NBAS: variants seen among roughly 807,000 people sequenced by gnomAD.
NBAS encodes the protein NBAS subunit of NRZ tethering complex, also known as NAG/BC035112 fusion.
In NBAS, 219 loss-of-function variants were observed where a neutral mutation model predicts 302.5. The ratio of observed to expected loss-of-function variants is 0.72; its 90% CI spans 0.65 to 0.81. The LOEUF is 0.81. NBAS is among the 30% of genes least tolerant of loss of function. The pLI, the probability that NBAS is intolerant of heterozygous loss-of-function variation, is 0.00. For synonymous variants in NBAS, 1,118 were observed against 1,021.6 expected (o/e 1.09, Z -1.80); for missense variants, 2,932 against 2,841.6 (o/e 1.03, Z -0.72).
chr2:15,081,597 C>T, the NBAS span, among the ~76,000 whole-genome samples: 119 of 152,348 alleles, frequency 7.8e-4, 1 homozygote, highest in African/African-American at 2.7e-3. Flanking sequence ...AAGAGCTGCT[C>T]ACAAGGCAGC....
At chr2:15,096,276 C>T in the NBAS span, among the ~76,000 whole-genome samples, 1 of 152,136 alleles carries the variant, frequency 6.6e-6, no homozygotes, top group East Asian at 1.9e-4. Flanking sequence ...CAATATTGCT[C>T]CCCCATTTAC....
At chr2:14,960,427 G>C in the NBAS span, among the ~76,000 whole-genome samples, 2 of 152,190 alleles carry the variant, frequency 1.3e-5, no homozygotes, top group African/African-American at 4.8e-5. Context: ...CATTTGTAGA[G>C]TGTGTTCTAT....
intron 6 of NBAS, among the ~76,000 whole-genome samples, chr2:15,540,164 G>A (rs765393700): frequency 1.6e-4 from 25 of 152,144 alleles, no homozygotes; most frequent in Non-Finnish European, 4.4e-5. Flanking sequence ...TAGGTAGATA[G>A]ACAAGTGTTC....
At chr2:14,909,366 TAAAAAAAAAA>T in the NBAS span, among the ~76,000 whole-genome samples, 54 of 78,570 alleles carry the variant, frequency 6.9e-4, 1 homozygote, top group Middle Eastern at 7.6e-3. Flanking sequence ...GGAGAGTTTC[TAAAAAAAAAA>T]AAAAAAAAAA....
At chr2:15,217,490 G>A (rs1370770364) in intron 48 of NBAS, among the ~76,000 whole-genome samples, 1 of 152,174 alleles carries the variant, frequency 6.6e-6, no homozygotes, top group Non-Finnish European at 1.5e-5. Context: ...TTTAGATGTA[G>A]TAATAACCAT....
chr2:14,830,155 C>G, the NBAS span, among the ~76,000 whole-genome samples: 1 of 152,098 alleles, frequency 6.6e-6, no homozygotes. Flanking sequence ...TGCAACAATT[C>G]CAGGCATTAA....
the NBAS span, among the ~76,000 whole-genome samples, chr2:14,983,549 A>G: frequency 1.3e-5 from 2 of 152,202 alleles, no homozygotes; most frequent in South Asian, 2.1e-4. Flanking sequence ...GGGCCCAAAT[A>G]TAAGTCCCCA....
intron 28 of NBAS, among the ~76,000 whole-genome samples, chr2:15,389,757 C>A (rs1464069819): frequency 2.0e-5 from 3 of 152,176 alleles, no homozygotes; most frequent in African/African-American, 7.2e-5. Flanking sequence ...AAAAACAAGT[C>A]TTTTTTGTTG....
the NBAS span, among the ~76,000 whole-genome samples, chr2:15,100,263 T>C: frequency 1.3e-5 from 2 of 152,134 alleles, no homozygotes; most frequent in African/African-American, 4.8e-5. Flanking sequence ...GTCTTAATAG[T>C]CTATAATAGT....
At chr2:14,852,352 T>C in the NBAS span, among the ~76,000 whole-genome samples, 1 of 54,522 alleles carries the variant, frequency 1.8e-5, no homozygotes, top group Non-Finnish European at 3.3e-5. Flanking sequence ...GAGAATAAAA[T>C]ACCTAGGAAT....
chr2:14,911,467 C>T, the NBAS span, among the ~76,000 whole-genome samples: 1 of 152,160 alleles, frequency 6.6e-6, no homozygotes, highest in Admixed American at 6.5e-5. Context: ...AAGTGACTCT[C>T]TGAGAGAGGG....
intron 9 of NBAS, among the ~76,000 whole-genome samples, chr2:15,531,769 T>C (rs1274595409): frequency 6.6e-6 from 1 of 152,184 alleles, no homozygotes; most frequent in African/African-American, 2.4e-5. Context: ...GATAGAATAC[T>C]CTTCCCCCAG....
intron 44 of NBAS, among the ~76,000 whole-genome samples, chr2:15,238,985 G>A (rs1667734926): frequency 6.6e-6 from 1 of 152,020 alleles, no homozygotes; most frequent in South Asian, 2.1e-4. Context: ...CATTTCTACA[G>A]CCATATTCCC....
intron 48 of NBAS, among the ~76,000 whole-genome samples, chr2:15,217,919 T>C (rs1344386792): frequency 1.3e-5 from 2 of 152,168 alleles, no homozygotes; most frequent in Non-Finnish European, 2.9e-5. Flanking sequence ...TAATTAAGGC[T>C]CAAATATGTG....
chr2:15,279,485 C>T (rs1472088518), intron 42 of NBAS, among the ~76,000 whole-genome samples: 2 of 152,150 alleles, frequency 1.3e-5, no homozygotes, highest in Non-Finnish European at 2.9e-5. Flanking sequence ...TCCTGTCATA[C>T]TTCATTCGTA....
Position 15,487,212 on chromosome 2 carries a change from C to T in NBAS, c.1083+1682G>A, listed in dbSNP as rs527351064. ...GAGAGAACATCAGGCTCCTCTCAAA[C>T]GAAAACAGCTGAATACTTTATCATC... On this transcript the variant is annotated intron_variant, in intron 12 of 51. Coordinates refer to ENST00000281513, the MANE Select transcript of NBAS (RefSeq NM_015909.4). Among the ~76,000 whole-genome samples, 6 of 152,200 alleles carry T rather than the reference C, an allele frequency of 3.9e-5. No homozygotes were observed. The South Asian group carries it at 8.3e-4, about 21-fold the overall frequency.
chr2:15,191,387 GC>G (rs1382691096), intron 48 of NBAS, among the ~76,000 whole-genome samples: 1 of 152,138 alleles, frequency 6.6e-6, no homozygotes, highest in Non-Finnish European at 1.5e-5. Context: ...TACAAAAGTT[GC>G]TATGTACTAT....
At position 15,395,655 on chromosome 2, in the gene NBAS, T is replaced by C. The variant is rs1410086629; in HGVS notation, c.3134+758A>G. ...TAATTTGAATACGATTTCTAATCAG[T>C]GGACTCCAAATTATCATACATACTA... On this transcript the variant is annotated intron_variant, in intron 27 of 51. Coordinates refer to ENST00000281513, the MANE Select transcript of NBAS (RefSeq NM_015909.4). Among the ~76,000 whole-genome samples the C allele has an allele frequency of 2.6e-5, 4 of 152,080 alleles. No homozygotes were observed. The East Asian group carries it at 5.8e-4, about 22-fold the overall frequency.
chr2:15,367,714 T>C (rs1180347856), intron 31 of NBAS, among the ~76,000 whole-genome samples: 2 of 152,084 alleles, frequency 1.3e-5, no homozygotes, highest in Admixed American at 6.6e-5. Context: ...AACTTCTACA[T>C]AGGTGAGAGG....
Sources: allele counts gnomAD v4.1 joint callset (sites outside exome capture counted in the v4.1 genomes callset), GRCh38; gene constraint gnomAD v4.1.1; transcripts MANE v1.5; gene names NCBI Gene and HGNC (gene_info 2026-07-23, HGNC 2026-07-21).